The following CDC42BPA variants were observed in gnomAD, a reference collection of about 807,000 sequenced individuals.
The protein encoded by CDC42BPA is serine/threonine-protein kinase MRCK alpha.
Under a neutral mutation model 223.5 loss-of-function variants are expected in CDC42BPA, and 80 were observed. The ratio of observed to expected loss-of-function variants is 0.36; its 90% confidence interval spans 0.30 to 0.43. The LOEUF is 0.43. CDC42BPA is among the 20% of genes least tolerant of loss of function. The probability of loss-of-function intolerance (pLI) is 1.00; values close to 1 mark genes in which losing one functional copy is unlikely to be tolerated. For missense variants in CDC42BPA, 1,743 were observed against 2,099.9 expected, an observed-to-expected ratio of 0.83 and a Z score of 3.32; for synonymous variants, 694 against 718.6, an observed-to-expected ratio of 0.97 and a Z score of 0.55.
At chr1:227,044,404 A>C (rs1000197941) in intron 23 of CDC42BPA, among the ~76,000 whole-genome samples, 10 of 148,110 alleles carry the variant, frequency 6.8e-5, no homozygotes, top group Non-Finnish European at 1.5e-4. Context: ...TCCCAGTCAC[A>C]AAAAATTTTT....
chr1:227,306,138 G>GTT (rs56027762), intron 1 of CDC42BPA, among the ~76,000 whole-genome samples: 139 of 135,696 alleles, frequency 1.0e-3, no homozygotes, highest in Middle Eastern at 7.6e-3. Flanking sequence ...GTTCTAAGTG[G>GTT]TTTTTTTTTT....
At position 227,288,427 on chromosome 1, in the gene CDC42BPA, A is replaced by G. The variant is rs139575196; in HGVS notation, c.178+28578T>C. Among the ~76,000 whole-genome samples the G allele has an allele frequency of 6.1e-3, 931 of 152,226 alleles. 25 individuals are homozygous for G. Among genetic ancestry groups the G allele is most frequent in the East Asian group, 0.057 (293 of 5,168 alleles). ...AATTAAAATGATATCGGCCAGGTGCAGTGGCTCATGCCTGTAAACCTAGAA... is the reference window on the plus strand; with the variant it reads ...AATTAAAATGATATCGGCCAGGTGCGGTGGCTCATGCCTGTAAACCTAGAA... On this transcript the variant is annotated intron_variant, in intron 1 of 36. Transcript: ENST00000366766.
intron 21 of CDC42BPA, among the ~76,000 whole-genome samples, chr1:227,056,059 C>T (rs1674488303): frequency 6.6e-6 from 1 of 152,106 alleles, no homozygotes; most frequent in Non-Finnish European, 1.5e-5. Context: ...CCCCCCGCCG[C>T]CCAGGATCAC....
intron 2 of CDC42BPA, chr1:227,234,887 T>C (rs545795527): frequency 6.6e-6 from 1 of 151,748 alleles, no homozygotes; most frequent in East Asian, 1.9e-4. Flanking sequence ...ACGTAAACTT[T>C]CTTAAAACAG....
At chr1:227,239,400 C>T (rs1433837821) in intron 2 of CDC42BPA, among the ~76,000 whole-genome samples, 1 of 152,032 alleles carries the variant, frequency 6.6e-6, no homozygotes, top group Non-Finnish European at 1.5e-5. Flanking sequence ...AGGAGTGAAC[C>T]CTAAGGTAAA....
At chr1:227,042,297 G>GAGATATATATATAT (rs922408596) in intron 23 of CDC42BPA, among the ~76,000 whole-genome samples, 2,589 of 147,664 alleles carry the variant, frequency 0.018, 36 homozygotes, top group Middle Eastern at 0.031. Context: ...ATACATATAT[G>GAGATATATATATAT]ATATATATAT....
At chr1:227,281,928 G>A (rs1007019377) in intron 1 of CDC42BPA, among the ~76,000 whole-genome samples, 2 of 152,144 alleles carry the variant, frequency 1.3e-5, no homozygotes, top group Non-Finnish European at 2.9e-5. Flanking sequence ...GTTGGCTCAC[G>A]CCTGTAATCC....
intron 5 of CDC42BPA, among the ~76,000 whole-genome samples, chr1:227,171,447 C>A (rs1455499623): frequency 6.6e-6 from 1 of 152,136 alleles, no homozygotes; most frequent in African/African-American, 2.4e-5. Context: ...CTCATCGCTA[C>A]AAAAACTACA....
intron 5 of CDC42BPA, among the ~76,000 whole-genome samples, chr1:227,162,237 AAT>A (rs1404463433): frequency 6.6e-6 from 1 of 151,852 alleles, no homozygotes; most frequent in Non-Finnish European, 1.5e-5. Context: ...ATATTATGTG[AAT>A]ATATTTTATT....
intron 9 of CDC42BPA, among the ~76,000 whole-genome samples, chr1:227,141,835 G>A (rs187940324): frequency 7.0e-4 from 106 of 152,282 alleles, no homozygotes; most frequent in Non-Finnish European, 1.4e-3. Flanking sequence ...TGGGCATGGT[G>A]GCTTGTGCCT....
rs201509516 is a variant in CDC42BPA, at chr1:227,230,819, TC to T, written c.271-17601del. On this transcript the variant is annotated intron_variant, in intron 2 of 36. Transcript: ENST00000366766. ...GATTTCTATTTCTTTTTTCTTTCTT[TC>T]TTTTTTTTTTTTTTTTTTTGAGACA... Among the ~76,000 whole-genome samples, 667 of 77,734 alleles carry T rather than the reference TC, an allele frequency of 8.6e-3. 36 individuals carry two copies. The highest frequency in any genetic ancestry group is 0.025 in the African/African-American group (442 of 17,682). The allele number at this position is 77,734 out of a possible 152,430, so 51.0% of individuals were successfully genotyped here. A position where few individuals can be genotyped will look rare whatever the true frequency, so the allele number is the denominator to read the frequency against.
chr1:227,090,802 C>T (rs1682935338), intron 16 of CDC42BPA, among the ~76,000 whole-genome samples: 1 of 152,106 alleles, frequency 6.6e-6, no homozygotes, highest in African/African-American at 2.4e-5. Context: ...CAGAGCGAGA[C>T]TGTATCAAAA....
chr1:227,153,301 A>G (rs1042805033), intron 6 of CDC42BPA, among the ~76,000 whole-genome samples: 2 of 151,936 alleles, frequency 1.3e-5, no homozygotes, highest in Admixed American at 6.6e-5. Context: ...CAAAATCACA[A>G]AGCAAATTTC....
In CDC42BPA at chr1:227,192,455, T is replaced by C. The variant is rs115073687; in HGVS notation, c.599+1331A>G. On this transcript the variant is annotated intron_variant, in intron 5 of 36. Transcript: ENST00000366766. ...CTGGGTTTCAACCACCCTTCCTCCA[T>C]AGGATTCAGATGCATGCCAAAGTTT... 6.0e-3 allele frequency among the ~76,000 whole-genome samples: 918 copies of C among 152,244 alleles called. 10 individuals are homozygous for C. The highest frequency in any genetic ancestry group is 0.021 in the African/African-American group (862 of 41,570).
intron 1 of CDC42BPA, among the ~76,000 whole-genome samples, chr1:227,262,375 A>G (rs1263168404): frequency 6.6e-6 from 1 of 152,228 alleles, no homozygotes; most frequent in Non-Finnish European, 1.5e-5. Flanking sequence ...AAACTTAAAA[A>G]AAAAATACTC....
chr1:227,298,962 T>C (rs536530660), intron 1 of CDC42BPA, among the ~76,000 whole-genome samples: 2 of 152,228 alleles, frequency 1.3e-5, no homozygotes, highest in Non-Finnish European at 2.9e-5. Flanking sequence ...TAGAGGCTGG[T>C]AACTTTCACA....
Position 227,262,300 on chromosome 1 carries a change from C to T in CDC42BPA, c.179-8145G>A, listed in dbSNP as rs116148654. On this transcript the variant is annotated intron_variant, in intron 1 of 36. Transcript: ENST00000366766. ...AAATGTAATGATATATTAACATGTG[C>T]ATATAGGACAAAATAATGAATTTTT... Among the ~76,000 whole-genome samples, 181 of 151,944 alleles carry T rather than the reference C, an allele frequency of 1.2e-3. 1 individual carries two copies. Among genetic ancestry groups the T allele is most frequent in the African/African-American group, 4.2e-3 (172 of 41,434 alleles).
rs530521316 is a variant in CDC42BPA, at chr1:227,273,402, C to T, written c.179-19247G>A. Among the ~76,000 whole-genome samples the T allele has an allele frequency of 1.4e-4, 21 of 150,302 alleles. No homozygotes were observed. The South Asian group carries it at 2.5e-3, about 18-fold the overall frequency. ...ACAACATGGAGAAACCCCATCTCTA[C>T]TAAAAAAATACAAAATTAGCCGGGC... On this transcript the variant is annotated intron_variant, in intron 1 of 36. Transcript: ENST00000366766.
rs771924794 is a variant in CDC42BPA, at chr1:227,005,050, G to C, written c.4919C>G (p.Thr1640Ser). Residue 1640 changes from threonine (T) to serine (S), a missense_variant, in exon 35 of 37, where the codon ACC becomes AGC. Around this residue, in one of 6 missense-constraint regions of CDC42BPA, gnomAD observed 200 missense variants for 192.8 expected, o/e 1.04. Transcript: ENST00000366766. The stretch of plus-strand genomic sequence containing the variant: ...GCGGCCTGGCTCAGGGCGGGATTTG[G>C]TGATAGATGGAATACTGACTGAGCC... Reference protein sequence around the residue: ...FSGSVSIPSITKSRPEPGRSM... With the variant: ...FSGSVSIPSISKSRPEPGRSM... 26 of 1,614,082 alleles carry C rather than the reference G, an allele frequency of 1.6e-5. No individual in the cohort carries two copies. Among genetic ancestry groups the C allele is most frequent in the Non-Finnish European group, 2.1e-5 (25 of 1,180,028 alleles).
Sources: allele counts gnomAD v4.1 joint callset (sites outside exome capture counted in the v4.1 genomes callset), GRCh38; gene constraint gnomAD v4.1.1; regional missense constraint gnomAD v4.1.1; transcripts MANE v1.5; gene names NCBI Gene and HGNC (gene_info 2026-07-23, HGNC 2026-07-21).